CHD9: variants seen among roughly 807,000 people sequenced by gnomAD.
CHD9 encodes the protein chromodomain helicase DNA binding protein 9.
Under a neutral mutation model 316.1 loss-of-function variants are expected in CHD9, and 77 were observed. The observed-to-expected ratio is 0.24, with a 90% confidence interval of 0.20 to 0.29. CHD9 has a LOEUF of 0.29. CHD9 is among the 10% of genes least tolerant of loss of function. The pLI is 1.00. For synonymous variants in CHD9, 1,129 were observed against 1,158.3 expected, an observed-to-expected ratio of 0.97 and a Z score of 0.51; for missense variants, 2,763 against 3,438.1, an observed-to-expected ratio of 0.80 and a Z score of 4.91.
intron 31 of CHD9, among the ~76,000 whole-genome samples, chr16:53,305,280 C>T (rs892668175): frequency 1.1e-4 from 16 of 152,008 alleles, no homozygotes; most frequent in Admixed American, 8.5e-4. Flanking sequence ...AGGCTGGTCT[C>T]GAACTCCTGA....
intron 30 of CHD9, among the ~76,000 whole-genome samples, chr16:53,300,834 G>A (rs954633600): frequency 7.9e-5 from 12 of 152,070 alleles, no homozygotes; most frequent in African/African-American, 9.7e-5. Context: ...GGCCAGATGC[G>A]GTGGCTCACG....
intron 2 of CHD9, among the ~76,000 whole-genome samples, chr16:53,175,030 G>A (rs1339072545): frequency 6.6e-6 from 1 of 152,042 alleles, no homozygotes; most frequent in African/African-American, 2.4e-5. Context: ...TTTTGTATAG[G>A]GCTAATTTTA....
chr16:53,249,772 A>T, intron 16 of CHD9, 99 bp from the exon 17 acceptor site: 2 of 945,410 alleles, frequency 2.1e-6, no homozygotes, highest in South Asian at 1.5e-5. Flanking sequence ...ATTTTAGAGA[A>T]AACATAATGC....
intron 1 of CHD9, among the ~76,000 whole-genome samples, chr16:53,107,350 C>T (rs1050196873): frequency 6.6e-6 from 1 of 151,902 alleles, no homozygotes; most frequent in Non-Finnish European, 1.5e-5. Context: ...GTCCCAGCTA[C>T]TCAGGAGGCT....
intron 2 of CHD9, among the ~76,000 whole-genome samples, chr16:53,171,847 CACACACACACACAG>C (rs1404688878): frequency 8.0e-5 from 6 of 74,772 alleles, no homozygotes; most frequent in South Asian, 4.2e-4. Context: ...CACACACACA[CACACACACACACAG>C]ACACACACAC....
chr16:53,283,229 G>A (rs1315943839), intron 24 of CHD9, among the ~76,000 whole-genome samples: 1 of 152,160 alleles, frequency 6.6e-6, no homozygotes, highest in Non-Finnish European at 1.5e-5. Context: ...AGTATTGCAT[G>A]TCCATCTTTA....
At chr16:53,141,350 G>A (rs978240652) in intron 1 of CHD9, among the ~76,000 whole-genome samples, 1 of 152,168 alleles carries the variant, frequency 6.6e-6, no homozygotes, top group Non-Finnish European at 1.5e-5. Flanking sequence ...AGGATCCCTT[G>A]TAGAATTCCT....
chr16:53,281,604 C>A (rs2053423196), intron 24 of CHD9, among the ~76,000 whole-genome samples: 1 of 152,184 alleles, frequency 6.6e-6, no homozygotes, highest in Non-Finnish European at 1.5e-5. Context: ...TTTCTAATTT[C>A]TCTTAGAATA....
At chr16:53,243,720 A>G (rs980030258) in intron 13 of CHD9, among the ~76,000 whole-genome samples, 9 of 152,234 alleles carry the variant, frequency 5.9e-5, no homozygotes, top group Non-Finnish European at 8.8e-5. Flanking sequence ...AGTCCTACAC[A>G]CTTCTACATG....
intron 1 of CHD9, among the ~76,000 whole-genome samples, chr16:53,143,954 CCAAA>C (rs2040356883): frequency 6.6e-6 from 1 of 151,914 alleles, no homozygotes; most frequent in South Asian, 2.1e-4. Flanking sequence ...TGCCCATGAC[CCAAA>C]CATTTTTTTT....
intron 1 of CHD9, among the ~76,000 whole-genome samples, chr16:53,119,960 T>C (rs934998219): frequency 2.0e-5 from 3 of 152,206 alleles, no homozygotes; most frequent in Non-Finnish European, 2.9e-5. Context: ...GTGTAGTGGC[T>C]CACACCTATA....
chr16:53,138,352 TATA>T (rs1392951764), intron 1 of CHD9, among the ~76,000 whole-genome samples: 1 of 152,206 alleles, frequency 6.6e-6, no homozygotes, highest in African/African-American at 2.4e-5. Context: ...ATTTGGAGGA[TATA>T]GTAGTGAAGA....
Position 53,238,584 on chromosome 16 carries a change from C to T in CHD9, c.2875C>T (p.Gln959Ter). The change falls in exon 12 of 39, where the codon CAG becomes TAG. Residue 959 changes from glutamine (Q) to a stop codon, truncating the protein, a stop_gained and splice_region_variant. Transcript: ENST00000447540. LOFTEE classifies it high-confidence loss of function. ...QQYEMYFRDS[Q>*]GRIIRGAYRF... ...ATACGAGATGTACTTCAGGGATTCA[C>T]AGGTGTGTTATTGATTATTTTGTTT... is the stretch of plus-strand genomic sequence containing the variant. 6.2e-7 allele frequency: 1 copy of T among 1,612,626 alleles called. No homozygotes were observed. The highest frequency in any genetic ancestry group is 8.5e-7 in the Non-Finnish European group (1 of 1,179,036).
intron 2 of CHD9, among the ~76,000 whole-genome samples, chr16:53,165,928 A>G (rs1262027793): frequency 6.6e-6 from 1 of 152,138 alleles, no homozygotes; most frequent in African/African-American, 2.4e-5. Context: ...AAACTTTTAT[A>G]AGGTACCATC....
chr16:53,116,283 C>T (rs2038298886), intron 1 of CHD9, among the ~76,000 whole-genome samples: 1 of 152,174 alleles, frequency 6.6e-6, no homozygotes. Context: ...TGGTCTCAAC[C>T]TCCTAACCTA....
At chr16:53,166,328 G>A (rs1230571705) in intron 2 of CHD9, among the ~76,000 whole-genome samples, 1 of 152,076 alleles carries the variant, frequency 6.6e-6, no homozygotes, top group Non-Finnish European at 1.5e-5. Context: ...AAGGGTAAGA[G>A]GTGAACAGAA....
At chr16:53,283,990 A>G (rs938453236) in intron 24 of CHD9, among the ~76,000 whole-genome samples, 11 of 152,052 alleles carry the variant, frequency 7.2e-5, no homozygotes, top group African/African-American at 2.7e-4. Context: ...TATCTCACCT[A>G]TATTTTGATT....
chr16:53,124,384 C>T (rs920882368), intron 1 of CHD9, among the ~76,000 whole-genome samples: 1 of 150,962 alleles, frequency 6.6e-6, no homozygotes, highest in Non-Finnish European at 1.5e-5. Flanking sequence ...AGCAAAGTCA[C>T]ATCTTACATG....
intron 19 of CHD9, among the ~76,000 whole-genome samples, chr16:53,256,430 G>GGCTGGAGTACAGTGGCACGATCTCA (rs1443974812): frequency 2.3e-5 from 3 of 129,682 alleles, no homozygotes; most frequent in Admixed American, 1.8e-4. Context: ...CCGTCACACA[G>GGCTGGAGTACAGTGGCACGATCTCA]GCTGGAGTAC....
Sources: gnomAD v4.1 joint callset for allele counts (sites outside exome capture counted in the v4.1 genomes callset) on GRCh38, gnomAD v4.1.1 for gene constraint, MANE v1.5 for transcripts, NCBI Gene and HGNC (gene_info 2026-07-23, HGNC 2026-07-21) for gene names.